Variants in TBC1D32 observed in about 807,000 individuals in gnomAD.
The protein encoded by TBC1D32 is TBC1 domain family member 32.
TBC1D32 carries 151 observed loss-of-function variants against 170.3 expected under a neutral mutation model. The observed-to-expected ratio is 0.89, with a 90% confidence interval of 0.78 to 1.01. The LOEUF (loss-of-function observed/expected upper bound fraction) is 1.01. TBC1D32 is among the 50% of genes least tolerant of loss of function. The probability of loss-of-function intolerance (pLI) is 0.00; values close to 1 mark genes in which losing one functional copy is unlikely to be tolerated. For synonymous variants in TBC1D32, 498 were observed against 488.0 expected (o/e 1.02, Z -0.27); for missense variants, 1,464 against 1,457.1 (o/e 1.00, Z -0.08).
intron 9 of TBC1D32, among the ~76,000 whole-genome samples, chr6:121,303,145 T>C (rs936979934): frequency 2.0e-5 from 3 of 152,054 alleles, no homozygotes; most frequent in African/African-American, 7.2e-5. Context: ...TCATAAGAAA[T>C]TGCCAGGTTC....
chr6:121,290,739 T>C (rs1394024101), intron 12 of TBC1D32, among the ~76,000 whole-genome samples: 1 of 151,620 alleles, frequency 6.6e-6, no homozygotes, highest in Admixed American at 6.6e-5. Context: ...AGCAAAGACT[T>C]GGAACCAACC....
At chr6:121,303,225 T>G (rs547957455) in intron 9 of TBC1D32, among the ~76,000 whole-genome samples, 1 of 152,114 alleles carries the variant, frequency 6.6e-6, no homozygotes, top group Non-Finnish European at 1.5e-5. Flanking sequence ...TTCAGAAATA[T>G]CTCCTAAGCC....
chr6:121,151,807 G>T (rs962970889), intron 24 of TBC1D32, among the ~76,000 whole-genome samples: 1 of 152,134 alleles, frequency 6.6e-6, no homozygotes, highest in African/African-American at 2.4e-5. Flanking sequence ...TGTTTTATCA[G>T]AAACTAGGAT....
At chr6:121,178,439 A>G (rs1166211364) in intron 22 of TBC1D32, among the ~76,000 whole-genome samples, 7 of 152,190 alleles carry the variant, frequency 4.6e-5, no homozygotes, top group Non-Finnish European at 1.0e-4. Context: ...TGCACGTAAT[A>G]GGCTAAAATT....
intron 15 of TBC1D32, among the ~76,000 whole-genome samples, chr6:121,269,337 GA>G (rs1801015343): frequency 6.6e-6 from 1 of 152,080 alleles, no homozygotes; most frequent in Non-Finnish European, 1.5e-5. Flanking sequence ...AAAGAGTCAA[GA>G]CCCATCAGTG....
chr6:121,334,073 T>C (rs1464423129), intron 1 of TBC1D32, among the ~76,000 whole-genome samples: 1 of 151,756 alleles, frequency 6.6e-6, no homozygotes, highest in Non-Finnish European at 1.5e-5. Context: ...CCTCAAAAAA[T>C]ATAGAGAGAA....
At chr6:121,191,875 G>A (rs149552548) in intron 22 of TBC1D32, among the ~76,000 whole-genome samples, 127 of 151,940 alleles carry the variant, frequency 8.4e-4, no homozygotes, top group African/African-American at 2.8e-3. Context: ...GCAGAAAAAC[G>A]TGAAAAGGCG....
intron 15 of TBC1D32, among the ~76,000 whole-genome samples, chr6:121,268,701 A>G (rs1251572540): frequency 6.6e-6 from 1 of 152,184 alleles, no homozygotes; most frequent in Non-Finnish European, 1.5e-5. Flanking sequence ...GATATTATCC[A>G]GGAGAACTTC....
chr6:121,241,669 A>T, intron 18 of TBC1D32, 117 bp from the exon 19 acceptor site: 5 of 876,708 alleles, frequency 5.7e-6, no homozygotes, highest in Non-Finnish European at 7.2e-6. Flanking sequence ...TTTTAAAATC[A>T]TACCTAAGAT....
chr6:121,188,608 G>A (rs1179657134), intron 22 of TBC1D32, among the ~76,000 whole-genome samples: 1 of 151,976 alleles, frequency 6.6e-6, no homozygotes, highest in African/African-American at 2.4e-5. Flanking sequence ...TTTAAAACCT[G>A]GAGATGAATC....
intron 26 of TBC1D32, among the ~76,000 whole-genome samples, chr6:121,119,410 A>G (rs1439786936): frequency 6.6e-6 from 1 of 152,158 alleles, no homozygotes; most frequent in Non-Finnish European, 1.5e-5. Flanking sequence ...TGCTTTTCAA[A>G]GAAAATATAA....
At chr6:121,307,394 A>G (rs1340422030) in intron 5 of TBC1D32, among the ~76,000 whole-genome samples, 7 of 152,140 alleles carry the variant, frequency 4.6e-5, no homozygotes, top group Non-Finnish European at 8.8e-5. Flanking sequence ...AAATGAAACA[A>G]AAATAAAATA....
At chr6:121,129,524 G>A (rs1016755662) in intron 25 of TBC1D32, among the ~76,000 whole-genome samples, 1 of 152,128 alleles carries the variant, frequency 6.6e-6, no homozygotes, top group East Asian at 1.9e-4. Context: ...GACTGATTTT[G>A]ATTAAAAATA....
intron 20 of TBC1D32, among the ~76,000 whole-genome samples, chr6:121,229,058 G>A (rs2128338004): frequency 6.6e-6 from 1 of 151,956 alleles, no homozygotes; most frequent in South Asian, 2.1e-4. Context: ...GTTTTCTAAT[G>A]TTTATTGCTT....
At chr6:121,275,858 C>T (rs1802134385) in intron 15 of TBC1D32, among the ~76,000 whole-genome samples, 3 of 152,042 alleles carry the variant, frequency 2.0e-5, no homozygotes, top group Admixed American at 2.0e-4. Flanking sequence ...GGTGAGGTGG[C>T]TGACACCTGT....
chr6:121,282,864 C>T (rs1208344566), intron 13 of TBC1D32, among the ~76,000 whole-genome samples: 1 of 151,792 alleles, frequency 6.6e-6, no homozygotes, highest in Non-Finnish European at 1.5e-5. Flanking sequence ...TAAGCTAGTT[C>T]TTTATACATG....
At chr6:121,253,176 G>A (rs1372361343) in intron 17 of TBC1D32, among the ~76,000 whole-genome samples, 2 of 152,102 alleles carry the variant, frequency 1.3e-5, no homozygotes, top group Non-Finnish European at 2.9e-5. Flanking sequence ...CCCAATGTGG[G>A]AGAAAATATT....
chr6:121,112,843 A>C (rs1180198771), intron 28 of TBC1D32, among the ~76,000 whole-genome samples, 184 bp from the exon 29 acceptor site: 2 of 152,124 alleles, frequency 1.3e-5, no homozygotes, highest in African/African-American at 4.8e-5. Context: ...TATTCAGTTT[A>C]AGATTCAATG....
chr6:121,138,082 A>G (rs2128222997), intron 24 of TBC1D32, among the ~76,000 whole-genome samples: 1 of 152,202 alleles, frequency 6.6e-6, no homozygotes, highest in Non-Finnish European at 1.5e-5. Flanking sequence ...TACTCTTACC[A>G]TAATAAGCAA....
Sources: allele counts gnomAD v4.1 joint callset (sites outside exome capture counted in the v4.1 genomes callset), GRCh38; gene constraint gnomAD v4.1.1; transcripts MANE v1.5; gene names NCBI Gene and HGNC (gene_info 2026-07-23, HGNC 2026-07-21).